SPON2: variants seen among roughly 807,000 people sequenced by gnomAD.
SPON2 encodes spondin 2.
In SPON2, 32 loss-of-function variants were observed where a neutral mutation model predicts 29.9. The ratio of observed to expected loss-of-function variants is 1.07; its 90% CI spans 0.81 to 1.44. The LOEUF (loss-of-function observed/expected upper bound fraction) is 1.44, where lower values mean the gene tolerates loss of function less well. SPON2 is among the 40% of genes most tolerant of loss of function. SPON2 has a pLI of 0.00. For missense variants in SPON2, 541 were observed against 455.5 expected, an observed-to-expected ratio of 1.19 and a Z score of -1.71; for synonymous variants, 248 against 209.1, an observed-to-expected ratio of 1.19 and a Z score of -1.61.
chr4:1,179,944 G>C (rs1401584988), intron 1 of SPON2, among the ~76,000 whole-genome samples: 1 of 151,990 alleles, frequency 6.6e-6, no homozygotes, highest in Non-Finnish European at 1.5e-5. Flanking sequence ...TGCCCAAGGT[G>C]GTGGCTAACA....
intron 1 of SPON2, among the ~76,000 whole-genome samples, chr4:1,203,951 A>T (rs2108682982): frequency 6.6e-6 from 1 of 152,070 alleles, no homozygotes; most frequent in African/African-American, 2.4e-5. Context: ...GCTCACTGCA[A>T]CCTCTGCCTC....
chr4:1,194,760 C>G (rs1266289688), intron 1 of SPON2, among the ~76,000 whole-genome samples: 4 of 152,114 alleles, frequency 2.6e-5, no homozygotes, highest in African/African-American at 4.8e-5. Flanking sequence ...CAAGTCTGGC[C>G]CGGGGCCAGA....
upstream of SPON2, among the ~76,000 whole-genome samples, chr4:1,177,627 C>T (rs891688084): frequency 1.3e-5 from 2 of 152,186 alleles, no homozygotes; most frequent in African/African-American, 2.4e-5. Flanking sequence ...AACCCAAGAT[C>T]CCTTCAGGGG....
In SPON2 at chr4:1,167,361, A is replaced by T; in HGVS notation, c.*111T>A. ...TGGTCGGCGCGGCCTCACCGCGGTC[A>T]GGAGCAGCGCGAAACCCCCTGTGCC... On this transcript the variant is annotated 3_prime_UTR_variant, in exon 6 of 6. Transcript: ENST00000290902. 3.4e-6 allele frequency: 4 copies of T among 1,179,256 alleles called. No homozygotes were observed. The highest frequency in any genetic ancestry group is 4.8e-6 in the Non-Finnish European group (4 of 838,428). The allele number at this position is 1,179,256 out of a possible 1,614,324, so 73.0% of individuals were successfully genotyped here. A position where few individuals can be genotyped will look rare whatever the true frequency, so the allele number is the denominator to read the frequency against.
chr4:1,197,373 C>T (rs532672057), upstream of SPON2, among the ~76,000 whole-genome samples: 103 of 152,296 alleles, frequency 6.8e-4, no homozygotes, highest in Middle Eastern at 6.8e-3. Context: ...AAAGTGCCAC[C>T]TCTTCCCCCA....
At chr4:1,204,463 G>A (rs1239129610) in intron 1 of SPON2, among the ~76,000 whole-genome samples, 2 of 152,296 alleles carry the variant, frequency 1.3e-5, no homozygotes, top group South Asian at 2.1e-4. Context: ...GATTCAAAAC[G>A]TCCTTTTGGC....
upstream of SPON2, among the ~76,000 whole-genome samples, chr4:1,198,033 G>C (rs1014273549): frequency 2.3e-5 from 3 of 129,998 alleles, no homozygotes; most frequent in African/African-American, 8.6e-5. Context: ...GGGTGATAAA[G>C]TGAGACTCTG....
chr4:1,197,904 C>T (rs925823608), upstream of SPON2, among the ~76,000 whole-genome samples: 23 of 151,982 alleles, frequency 1.5e-4, no homozygotes, highest in African/African-American at 5.1e-4. Flanking sequence ...ACAAATTAGC[C>T]GGGCATGGTG....
At chr4:1,170,051 C>T (rs1005449728) in intron 5 of SPON2, 10 of 262,476 alleles carry the variant, frequency 3.8e-5, no homozygotes, top group Non-Finnish European at 5.8e-5. Context: ...AGCTGTCACC[C>T]GGTGGCCACA....
chr4:1,201,067 C>G (rs1006326328), intron 1 of SPON2: 3 of 452,296 alleles, frequency 6.6e-6, no homozygotes, highest in East Asian at 7.0e-5. Flanking sequence ...CCCACCCTGA[C>G]GAGGTTGGCC....
chr4:1,193,294 C>T (rs1442862333), intron 1 of SPON2, among the ~76,000 whole-genome samples: 1 of 152,164 alleles, frequency 6.6e-6, no homozygotes. Flanking sequence ...GTCCCAGTCT[C>T]TGCCCAGGTC....
rs1727463345 is a variant in SPON2 at position 1,171,860 on chromosome 4, GA to G, written c.211del (p.Ser71ArgfsTer36). On this transcript the variant is annotated frameshift_variant, in exon 2 of 6. Coordinates refer to ENST00000290902, the MANE Select transcript of SPON2 (RefSeq NM_012445.4). LOFTEE classifies it high-confidence loss of function. ...GAGGGGGCTGTACTTACCCAGCAGC[GA>G]AGACCACTGCGCAGGGGGGCGGAAC... is the stretch of plus-strand genomic sequence containing the variant. Reference protein sequence around the residue: ...PLFRPPAQWSSLLGAAHSSDY... With the variant: ...PLFRPPAQWSXLLGAAHSSDY... 2 of 1,612,180 alleles carry G rather than the reference GA, an allele frequency of 1.2e-6. No individual in the cohort carries two copies. Among genetic ancestry groups the G allele is most frequent in the Non-Finnish European group, 8.5e-7 (1 of 1,179,236 alleles).
Position 1,167,540 on chromosome 4 carries a change from C to A in SPON2, c.928G>T (p.Ala310Ser). 6.2e-7 allele frequency: 1 copy of A among 1,613,680 alleles called. No individual in the cohort carries two copies. The highest frequency in any genetic ancestry group is 8.5e-7 in the Non-Finnish European group (1 of 1,179,990). Residue 310 changes from alanine (A) to serine (S), a missense_variant, in exon 6 of 6, where the codon GCC (alanine) becomes TCC (serine). Ala to Ser is a moderately conservative substitution (Grantham distance 99). Coordinates refer to ENST00000290902, the MANE Select transcript of SPON2 (RefSeq NM_012445.4). ...TCGGGGCAGGGGCTCCCGTTGTTGGCGGGCTGGACCCGGACGTAGCGAGTC... is the reference window on the plus strand; with the variant it reads ...TCGGGGCAGGGGCTCCCGTTGTTGGAGGGCTGGACCCGGACGTAGCGAGTC... ...SRTRYVRVQP[A>S]NNGSPCPELE...
At chr4:1,181,071 C>T (rs1414195654) in intron 1 of SPON2, among the ~76,000 whole-genome samples, 1 of 152,118 alleles carries the variant, frequency 6.6e-6, no homozygotes, top group Non-Finnish European at 1.5e-5. Context: ...AAAGAGATAG[C>T]CGCACTGACA....
chr4:1,174,854 T>C (rs550022022), upstream of SPON2, among the ~76,000 whole-genome samples: 94 of 152,352 alleles, frequency 6.2e-4, no homozygotes, highest in African/African-American at 2.3e-3. Context: ...TTGAAGTCTA[T>C]GAAGAAAATC....
intron 1 of SPON2, among the ~76,000 whole-genome samples, chr4:1,203,398 T>C (rs1728262451): frequency 6.6e-6 from 1 of 152,176 alleles, no homozygotes; most frequent in Admixed American, 6.5e-5. Context: ...TGGCAAATGT[T>C]TGCGAGGTTC....
intron 1 of SPON2, among the ~76,000 whole-genome samples, chr4:1,185,160 G>A (rs913109751): frequency 1.3e-5 from 2 of 151,220 alleles, no homozygotes; most frequent in South Asian, 2.1e-4. Context: ...TGCAGCCTCC[G>A]TCTCCTGGGT....
At chr4:1,206,099 C>T (rs578197148) in intron 1 of SPON2, among the ~76,000 whole-genome samples, 1 of 152,306 alleles carries the variant, frequency 6.6e-6, no homozygotes, top group African/African-American at 2.4e-5. Flanking sequence ...TGGTCTCCTC[C>T]CCTGGTACTG....
At chr4:1,172,172 G>A in intron 1 of SPON2, 98 bp from the exon 2 acceptor site, 4 of 1,040,006 alleles carry the variant, frequency 3.8e-6, no homozygotes. Context: ...TCTGAGGACG[G>A]CCCCGAGCAC....
Sources: gnomAD v4.1 joint callset for allele counts (sites outside exome capture counted in the v4.1 genomes callset) on GRCh38, gnomAD v4.1.1 for gene constraint, MANE v1.5 for transcripts, NCBI Gene and HGNC (gene_info 2026-07-23, HGNC 2026-07-21) for gene names.